The following GAB2 variants were observed in gnomAD, a reference collection of about 807,000 sequenced individuals.
GAB2 encodes the protein GRB2 associated binding protein 2.
A neutral mutation model predicts 65.5 loss-of-function variants in GAB2; 26 were observed. That is an observed-to-expected ratio of 0.40 (90% CI 0.29 to 0.55). The LOEUF (loss-of-function observed/expected upper bound fraction) is 0.55. Among genes scored for constraint, GAB2 ranks in the 20% least tolerant of loss-of-function variants. The pLI is 0.53. For missense variants in GAB2, 884 were observed against 875.8 expected (o/e 1.01, Z -0.12); for synonymous variants, 321 against 329.6 (o/e 0.97, Z 0.28).
chr11:78,295,690 G>T (rs1435047814), intron 1 of GAB2, among the ~76,000 whole-genome samples: 1 of 152,168 alleles, frequency 6.6e-6, no homozygotes, highest in African/African-American at 2.4e-5. Flanking sequence ...GATGCTTGAC[G>T]GAGAGGACTA....
intron 1 of GAB2, among the ~76,000 whole-genome samples, chr11:78,299,327 G>T (rs932977459): frequency 3.3e-5 from 5 of 152,234 alleles, no homozygotes. Flanking sequence ...CTTTATTATT[G>T]TTCCCACCAT....
intron 1 of GAB2, among the ~76,000 whole-genome samples, chr11:78,291,089 A>T (rs1591005229): frequency 6.6e-6 from 1 of 152,076 alleles, no homozygotes; most frequent in Middle Eastern, 3.4e-3. Context: ...TGGTGGCAGG[A>T]TTTGTTTGTT....
intron 1 of GAB2, among the ~76,000 whole-genome samples, chr11:78,337,797 T>C (rs1856027334): frequency 6.6e-6 from 1 of 152,182 alleles, no homozygotes; most frequent in Non-Finnish European, 1.5e-5. Context: ...AGAAGCCATG[T>C]ACATTTTTAA....
At position 78,417,766 on chromosome 11, in the gene GAB2, G is replaced by C; in HGVS notation, c.-46C>G. ...CGCCGGGTCGCGCGGACGAGGGCGC[G>C]GGCTCGGGCAGCTGGGGCAGCGGCC... On this transcript the variant is annotated 5_prime_UTR_variant, in exon 1 of 10. Transcript: ENST00000361507. The C allele has an allele frequency of 9.4e-7, 1 of 1,064,714 alleles. No homozygotes were observed. The highest frequency in any genetic ancestry group is 1.2e-6 in the Non-Finnish European group (1 of 863,742). The allele number at this position is 1,064,714 out of a possible 1,614,324, so 66.0% of individuals were successfully genotyped here. A position where few individuals can be genotyped will look rare whatever the true frequency, so the allele number is the denominator to read the frequency against.
At chr11:78,290,539 C>T (rs1866634531) in intron 1 of GAB2, among the ~76,000 whole-genome samples, 1 of 152,152 alleles carries the variant, frequency 6.6e-6, no homozygotes, top group Admixed American at 6.5e-5. Context: ...ATAACTTCCT[C>T]TTATTGCTCT....
intron 3 of GAB2, among the ~76,000 whole-genome samples, chr11:78,237,473 T>A (rs1278936942): frequency 2.0e-5 from 3 of 152,180 alleles, no homozygotes; most frequent in Non-Finnish European, 4.4e-5. Flanking sequence ...TGTAAATTTA[T>A]GGAAAATGCA....
chr11:78,340,073 G>T (rs1030590103), intron 1 of GAB2, among the ~76,000 whole-genome samples: 2 of 152,190 alleles, frequency 1.3e-5, no homozygotes, highest in Non-Finnish European at 2.9e-5. Context: ...ACAAGCAGTT[G>T]TGTTGACCAT....
At chr11:78,396,856 C>T (rs1458972449) in intron 1 of GAB2, among the ~76,000 whole-genome samples, 1 of 152,164 alleles carries the variant, frequency 6.6e-6, no homozygotes, top group East Asian at 1.9e-4. Flanking sequence ...CTCAGCCTCC[C>T]AAAGTGCTGA....
intron 1 of GAB2, among the ~76,000 whole-genome samples, chr11:78,325,999 A>G (rs1324158520): frequency 6.6e-6 from 1 of 152,178 alleles, no homozygotes; most frequent in Non-Finnish European, 1.5e-5. Context: ...AACTCCAGCC[A>G]TCCTATTCTG....
At chr11:78,338,443 A>G (rs1856038345) in intron 1 of GAB2, among the ~76,000 whole-genome samples, 1 of 152,146 alleles carries the variant, frequency 6.6e-6, no homozygotes, top group Non-Finnish European at 1.5e-5. Context: ...TGATTGCAAC[A>G]CTGACTGTCT....
chr11:78,230,195 G>C (rs1864800512), intron 3 of GAB2, among the ~76,000 whole-genome samples: 1 of 152,162 alleles, frequency 6.6e-6, no homozygotes, highest in Admixed American at 6.5e-5. Flanking sequence ...CTTTTCCTGG[G>C]CTTGGCCCAA....
chr11:78,248,262 G>C (rs1200257944), intron 3 of GAB2, among the ~76,000 whole-genome samples: 1 of 152,078 alleles, frequency 6.6e-6, no homozygotes, highest in East Asian at 1.9e-4. Context: ...GGCCCTAAAG[G>C]CTAATTCAAG....
intron 3 of GAB2, among the ~76,000 whole-genome samples, chr11:78,233,663 G>C (rs1345792280): frequency 6.6e-6 from 1 of 152,116 alleles, no homozygotes; most frequent in African/African-American, 2.4e-5. Context: ...CTAGAGTGCA[G>C]TGGTGCCATC....
intron 1 of GAB2, among the ~76,000 whole-genome samples, chr11:78,346,722 A>T (rs55868768): frequency 0.056 from 1,708 of 30,562 alleles, 78 homozygotes; most frequent in East Asian, 0.14. Flanking sequence ...TATATATATA[A>T]TTTTTTTTTT....
chr11:78,384,332 G>GT (rs1292982256), intron 1 of GAB2, among the ~76,000 whole-genome samples: 1 of 152,212 alleles, frequency 6.6e-6, no homozygotes, highest in Admixed American at 6.5e-5. Context: ...CAAATCGAGT[G>GT]TCTCAGTCCT....
At chr11:78,342,649 C>A (rs1264318697) in intron 1 of GAB2, among the ~76,000 whole-genome samples, 2 of 152,144 alleles carry the variant, frequency 1.3e-5, no homozygotes, top group African/African-American at 4.8e-5. Context: ...ACCTCGTGAT[C>A]CGCCGGCCTC....
chr11:78,366,912 T>A (rs542941111), intron 1 of GAB2, among the ~76,000 whole-genome samples: 47 of 151,984 alleles, frequency 3.1e-4, no homozygotes, highest in Middle Eastern at 3.4e-3. Flanking sequence ...ACATGAGAAA[T>A]TTTAAAAACC....
At chr11:78,227,074 G>A in intron 3 of GAB2, 23 bp from the exon 4 acceptor site, 1 of 1,495,640 alleles carries the variant, frequency 6.7e-7, no homozygotes, top group South Asian at 1.1e-5. Context: ...GAAGGGAAAG[G>A]GCAGGAGGGT....
intron 3 of GAB2, among the ~76,000 whole-genome samples, chr11:78,228,501 C>G (rs939204464): frequency 5.3e-5 from 8 of 152,190 alleles, no homozygotes; most frequent in African/African-American, 1.9e-4. Context: ...AGGCCAATCC[C>G]TGGACCTTTT....
Sources: gnomAD v4.1 joint callset for allele counts (sites outside exome capture counted in the v4.1 genomes callset) on GRCh38, gnomAD v4.1.1 for gene constraint, MANE v1.5 for transcripts, NCBI Gene and HGNC (gene_info 2026-07-23, HGNC 2026-07-21) for gene names.